The following KNTC1 variants were observed in gnomAD, a reference collection of about 807,000 sequenced individuals.
KNTC1 encodes kinetochore associated 1.
Under a neutral mutation model 314.4 loss-of-function variants are expected in KNTC1, and 253 were observed. The ratio of observed to expected loss-of-function variants is 0.80; its 90% CI spans 0.73 to 0.89. KNTC1 has a LOEUF of 0.89. Ranked by LOEUF, KNTC1 falls within the 40% of genes least tolerant of loss-of-function variation. The pLI is 0.00. For synonymous variants in KNTC1, 901 were observed against 901.4 expected, an observed-to-expected ratio of 1.00 and a Z score of 0.01; for missense variants, 2,475 against 2,572.9, an observed-to-expected ratio of 0.96 and a Z score of 0.82.
At chr12:122,534,518 G>A (rs749212982) in intron 2 of KNTC1, 146 bp from the exon 3 acceptor site, 11 of 700,714 alleles carry the variant, frequency 1.6e-5, no homozygotes, top group African/African-American at 1.1e-4. Flanking sequence ...AGAAAAACTC[G>A]ATGATTAATT....
Position 122,568,281 on chromosome 12 carries a change from T to C in KNTC1, c.1625T>C (p.Phe542Ser). 1 of 1,554,880 alleles carries C rather than the reference T, an allele frequency of 6.4e-7. No homozygotes were observed. Among genetic ancestry groups the C allele is most frequent in the Non-Finnish European group, 8.9e-7 (1 of 1,129,394 alleles). ...EKFSGSSWIE[F>S]LNNEDDLKDI... ...TTCAGTGGCAGTTCTTGGATTGAAT[T>C]TCTAAATAATGAAGATGATCTTAAA... Residue 542 changes from phenylalanine to serine, a missense_variant, in exon 21 of 64, where the codon TTT becomes TCT. By Grantham distance (155) the Phe-to-Ser change is radical. Transcript: ENST00000333479.
Position 122,547,451 on chromosome 12 carries a change from C to T in KNTC1, c.853C>T (p.Pro285Ser). The change falls in exon 11 of 64, where the codon CCT becomes TCT. Residue 285 changes from proline to serine, a missense_variant. Transcript: ENST00000333479. ...LSLWDIYTLT[P>S]VWNWPSLHVE... ...TTTATGGGATATTTACACTCTAACT[C>T]CTGTATGGAACTGGCCCTCTCTTCA... is the stretch of plus-strand genomic sequence containing the variant. 6.2e-7 allele frequency: 1 copy of T among 1,612,774 alleles called. No individual in the cohort carries two copies.
In KNTC1 at chr12:122,584,844, C is replaced by A. The variant is rs183883602; in HGVS notation, c.3437-49C>A. 107 of 965,096 alleles carry A rather than the reference C, an allele frequency of 1.1e-4. 1 individual carries two copies. Among genetic ancestry groups the A allele is most frequent in the East Asian group, 8.7e-4 (36 of 41,248 alleles). 59.8% of individuals were successfully genotyped at this position (965,096 alleles called of 1,614,324 possible). ...TTATTAAAAGGTTGTTTTCATTATCCTAAAGACATGAAATATGAGTTTAAT... is the reference window on the plus strand; with the variant it reads ...TTATTAAAAGGTTGTTTTCATTATCATAAAGACATGAAATATGAGTTTAAT... On this transcript the variant is annotated intron_variant, in intron 35 of 63. Coordinates refer to ENST00000333479, the MANE Select transcript of KNTC1 (RefSeq NM_014708.6).
At chr12:122,541,277 C>G (rs973197972) in intron 5 of KNTC1, among the ~76,000 whole-genome samples, 10 of 116,330 alleles carry the variant, frequency 8.6e-5, no homozygotes, top group African/African-American at 3.4e-4. Context: ...GCCTGCCTGC[C>G]TGCCTGCCTG....
chr12:122,539,114 C>T (rs1007432804), intron 4 of KNTC1, among the ~76,000 whole-genome samples: 27 of 152,086 alleles, frequency 1.8e-4, no homozygotes, highest in African/African-American at 6.3e-4. Flanking sequence ...AGAAGTAACT[C>T]CAGGAGACAA....
At position 122,613,187 on chromosome 12, in the gene KNTC1, G is replaced by A. The variant is rs1289273519; in HGVS notation, c.5698G>A (p.Glu1900Lys). 6.2e-7 allele frequency: 1 copy of A among 1,612,486 alleles called. No homozygotes were observed. The highest frequency in any genetic ancestry group is 1.3e-5 in the African/African-American group (1 of 75,008). The change falls in exon 54 of 64, where the codon GAA becomes AAA. Residue 1900 changes from glutamate (E) to lysine (K), a missense_variant. Physicochemically the swap from Glu to Lys is moderately conservative, Grantham distance 56. Transcript: ENST00000333479. ...GTGTCTCTTCTATTTGGCTGACAAG[G>A]AAACTATAGAATCTCTCTTTAAAAA... ...LQCLFYLADK[E>K]TIESLFKKPI...
Position 122,610,822 on chromosome 12 carries a change from A to G in KNTC1, c.5544A>G (p.Arg1848=). Residue 1848 remains arginine (R), a splice_region_variant and synonymous_variant, in exon 53 of 64, where the codon AGA becomes AGG. Transcript: ENST00000333479. ...ACTGTAATTAAAATTTTTTTTCCAGAGTGCAGTATCTCCTCCTGTCTCGTC... is the reference window on the plus strand; with the variant it reads ...ACTGTAATTAAAATTTTTTTTCCAGGGTGCAGTATCTCCTCCTGTCTCGTC... The part of the protein sequence containing the change: ...FELQEDEALR[R]VQYLLLSRPI... 6.2e-7 allele frequency: 1 copy of G among 1,604,810 alleles called. No homozygotes were observed.
chr12:122,528,057 C>T lies in KNTC1; in HGVS notation c.-74+706C>T, dbSNP rs148619777. On this transcript the variant is annotated intron_variant, in intron 1 of 63. Transcript: ENST00000333479. Reference sequence around the variant, plus strand: ...CGCAAAAACATAAACTTCATAATGGCAAAGACATTTTGTGTTCTGTTCAAG... The same window carrying T: ...CGCAAAAACATAAACTTCATAATGGTAAAGACATTTTGTGTTCTGTTCAAG... 4.4e-3 allele frequency among the ~76,000 whole-genome samples: 665 copies of T among 152,134 alleles called. 12 individuals carry two copies. Among genetic ancestry groups the T allele is most frequent in the East Asian group, 0.029 (148 of 5,188 alleles).
Position 122,602,717 on chromosome 12 carries a change from C to G in KNTC1, c.4802C>G (p.Ala1601Gly). The change falls in exon 46 of 64, where the codon GCA (alanine) becomes GGA (glycine). Residue 1601 changes from alanine to glycine, a missense_variant. By Grantham distance (60) the Ala-to-Gly change is moderately conservative. Transcript: ENST00000333479. Reference protein sequence around the residue: ...LPFHLIFFGTAQNFWKILSTE... With the variant: ...LPFHLIFFGTGQNFWKILSTE... ...TTTCACCTGATATTCTTTGGCACAG[C>G]ACAGAACTTCTGGAAAATTCTCTGT... 1 of 1,613,780 alleles carries G rather than the reference C, an allele frequency of 6.2e-7. No individual in the cohort carries two copies. The highest frequency in any genetic ancestry group is 8.5e-7 in the Non-Finnish European group (1 of 1,179,818).
intron 16 of KNTC1, among the ~76,000 whole-genome samples, chr12:122,554,760 C>G (rs1963462204): frequency 6.6e-6 from 1 of 152,122 alleles, no homozygotes; most frequent in Non-Finnish European, 1.5e-5. Flanking sequence ...GTTTTCAGAA[C>G]CAGAGAGTCC....
In KNTC1 at chr12:122,597,890, G is replaced by T; in HGVS notation, c.4515G>T (p.Leu1505=). 6.2e-7 allele frequency: 1 copy of T among 1,614,002 alleles called. No homozygotes were observed. Among genetic ancestry groups the T allele is most frequent in the South Asian group, 1.1e-5 (1 of 91,074 alleles). Residue 1505 remains leucine, a synonymous_variant, in exon 44 of 64, where the codon CTG becomes CTT. Transcript: ENST00000333479. ...AAGCCCTTGAGATGGTTCCTTTACT[G>T]ACGAGCACAAAAGATTTGGTCATCA... The part of the protein sequence containing the change: ...LAKALEMVPL[L]TSTKDLVISL...
intron 40 of KNTC1, 44 bp from the exon 41 acceptor site, chr12:122,590,563 T>G (rs1238938391): frequency 1.3e-6 from 2 of 1,567,620 alleles, no homozygotes; most frequent in Admixed American, 3.5e-5. Context: ...TAATTCTGTT[T>G]TGATTGTGAA....
At chr12:122,564,010 C>A (rs2137862498) in intron 20 of KNTC1, among the ~76,000 whole-genome samples, 1 of 152,290 alleles carries the variant, frequency 6.6e-6, no homozygotes, top group Non-Finnish European at 1.5e-5. Context: ...CGGAGTCTCG[C>A]TCTATTGCCA....
intron 38 of KNTC1, among the ~76,000 whole-genome samples, chr12:122,587,018 T>C (rs1437259270): frequency 6.6e-6 from 1 of 152,134 alleles, no homozygotes; most frequent in Admixed American, 6.5e-5. Context: ...GATTTCACCA[T>C]GTTGGCCAGC....
At chr12:122,543,566 C>T in intron 6 of KNTC1, 34 bp from the exon 7 acceptor site, 1 of 1,440,196 alleles carries the variant, frequency 6.9e-7, no homozygotes, top group Non-Finnish European at 9.5e-7. Context: ...TAGATTAATA[C>T]TATACATTTA....
chr12:122,572,125 C>T (rs1313484160), intron 24 of KNTC1, among the ~76,000 whole-genome samples: 1 of 152,140 alleles, frequency 6.6e-6, no homozygotes, highest in Non-Finnish European at 1.5e-5. Context: ...GGCACGATGG[C>T]TTACGCCTGT....
chr12:122,560,224 G>GACCCTA (rs1331448715), intron 18 of KNTC1, among the ~76,000 whole-genome samples: 2 of 152,122 alleles, frequency 1.3e-5, no homozygotes, highest in African/African-American at 4.8e-5. Context: ...CCCTGACTCT[G>GACCCTA]ACCCTAACCC....
intron 24 of KNTC1, 64 bp downstream of exon 24, chr12:122,571,190 A>G (rs1964659091): frequency 3.3e-6 from 4 of 1,229,738 alleles, no homozygotes; most frequent in African/African-American, 1.5e-5. Context: ...GTTTGTCTGC[A>G]TGTATGTGAA....
chr12:122,601,175 C>T (rs1369151656), intron 44 of KNTC1, among the ~76,000 whole-genome samples: 2 of 152,052 alleles, frequency 1.3e-5, no homozygotes, highest in Non-Finnish European at 2.9e-5. Flanking sequence ...CTCCGCCTCC[C>T]GGGTTCACAC....
Sources: allele counts gnomAD v4.1 joint callset (sites outside exome capture counted in the v4.1 genomes callset), GRCh38; gene constraint gnomAD v4.1.1; transcripts MANE v1.5; gene names NCBI Gene and HGNC (gene_info 2026-07-23, HGNC 2026-07-21).